Variants in RASA3 observed in about 807,000 individuals in gnomAD.
RASA3 encodes RAS p21 protein activator 3, also known as ras GTPase-activating protein 3.
A neutral mutation model predicts 110.0 loss-of-function variants in RASA3; 73 were observed. That is an observed-to-expected ratio of 0.66 (90% CI 0.55 to 0.81). The LOEUF (loss-of-function observed/expected upper bound fraction) is 0.81, where lower values mean the gene tolerates loss of function less well. Ranked by LOEUF, RASA3 falls within the 30% of genes least tolerant of loss-of-function variation. The pLI is 0.00. For synonymous variants in RASA3, 500 were observed against 451.4 expected, an observed-to-expected ratio of 1.11 and a Z score of -1.37; for missense variants, 976 against 1,113.2, an observed-to-expected ratio of 0.88 and a Z score of 1.75.
At chr13:114,046,143 A>C (rs1266553374) in intron 3 of RASA3, among the ~76,000 whole-genome samples, 1 of 152,266 alleles carries the variant, frequency 6.6e-6, no homozygotes, top group Non-Finnish European at 1.5e-5. Context: ...AAATTTGATG[A>C]TCTTACACTA....
chr13:113,979,416 G>A lies in RASA3; in HGVS notation c.2436C>T (p.His812=), dbSNP rs1381877788. 1.3e-6 allele frequency: 2 copies of A among 1,599,342 alleles called. No homozygotes were observed. Among genetic ancestry groups the A allele is most frequent in the Non-Finnish European group, 8.6e-7 (1 of 1,166,934 alleles). Residue 812 remains histidine (H), a synonymous_variant, in exon 24 of 24, where the codon CAC becomes CAT. Transcript: ENST00000334062. ...TCTGGAAGCTCTTGTCTCCGATGGGGTGCTCCCTGAAAAGGGGGATGGGAG... is the reference window on the plus strand; with the variant it reads ...TCTGGAAGCTCTTGTCTCCGATGGGATGCTCCCTGAAAAGGGGGATGGGAG... ...FKKTKYGSQE[H]PIGDKSFQNY...
At chr13:114,041,746 G>C (rs1023654728) in intron 3 of RASA3, among the ~76,000 whole-genome samples, 4 of 152,268 alleles carry the variant, frequency 2.6e-5, no homozygotes, top group Non-Finnish European at 5.9e-5. Context: ...TCACAGGCAG[G>C]ACTGAGAGCC....
At chr13:113,982,059 C>A (rs753722328) in intron 22 of RASA3, among the ~76,000 whole-genome samples, 23 of 152,216 alleles carry the variant, frequency 1.5e-4, no homozygotes, top group Non-Finnish European at 2.6e-4. Context: ...CCACACTGAG[C>A]CCAGGGAAAG....
rs375355589 is a variant in RASA3 at position 114,001,545 on chromosome 13, C to T, written c.1743-613G>A. On this transcript the variant is annotated intron_variant, in intron 18 of 23. Transcript: ENST00000334062. ...CGCTCACACACAGAGGACCTACAGCCGCGGGCTCAGGGTCAGGGCGGACAG... is the reference window on the plus strand; with the variant it reads ...CGCTCACACACAGAGGACCTACAGCTGCGGGCTCAGGGTCAGGGCGGACAG... Among the ~76,000 whole-genome samples, 239 of 150,592 alleles carry T rather than the reference C, an allele frequency of 1.6e-3. 2 individuals carry two copies. Among genetic ancestry groups the T allele is most frequent in the African/African-American group, 5.3e-3 (217 of 40,658 alleles).
At chr13:113,999,788 A>AGGGGGTCTCTGCCG (rs2053343110) in intron 19 of RASA3, 121 bp from the exon 20 acceptor site, 1 of 85,306 alleles carries the variant, frequency 1.2e-5, no homozygotes, top group Admixed American at 1.3e-4. Flanking sequence ...GGTCTCTGCC[A>AGGGGGTCTCTGCCG]GGGGGTCTCT....
Position 113,978,709 on chromosome 13 carries a change from AGACTGG to A in RASA3, c.*632_*637del, listed in dbSNP as rs2052835066. 1.3e-5 allele frequency: 2 copies of A among 152,706 alleles called. No homozygotes were observed. The highest frequency in any genetic ancestry group is 4.8e-5 in the African/African-American group (2 of 41,462). The allele number at this position is 152,706 out of a possible 1,614,324, so 9.5% of individuals were successfully genotyped here. ...TCCCCCAAGCACCAAGGACATCCTC[AGACTGG>A]GACTTCTGTGTAATTCTGCACCTCC... On this transcript the variant is annotated 3_prime_UTR_variant, in exon 24 of 24. Coordinates refer to ENST00000334062, the MANE Select transcript of RASA3 (RefSeq NM_007368.4).
At position 114,114,477 on chromosome 13, in the gene RASA3, C is replaced by CT. The variant is rs1416557984; in HGVS notation, c.55+17957dup. On this transcript the variant is annotated intron_variant, in intron 1 of 23. Coordinates refer to ENST00000334062, the MANE Select transcript of RASA3 (RefSeq NM_007368.4). The surrounding 1 kb of genome is among the most constrained non-coding windows in gnomAD (Gnocchi z 4.8). The stretch of plus-strand genomic sequence containing the variant: ...AATGCTCCTTGCACATTTCCTAGCT[C>CT]TGTCAGCCAAAGTGAGGTCTGACCA... Among the ~76,000 whole-genome samples the CT allele has an allele frequency of 6.6e-6, 1 of 152,206 alleles. No homozygotes were observed. Among genetic ancestry groups the CT allele is most frequent in the East Asian group, 1.9e-4 (1 of 5,202 alleles).
intron 8 of RASA3, among the ~76,000 whole-genome samples, chr13:114,022,554 A>C (rs1279393855): frequency 6.6e-6 from 1 of 152,102 alleles, no homozygotes; most frequent in Non-Finnish European, 1.5e-5. Context: ...GGATTTTGTT[A>C]CCCTTGCGAA....
intron 2 of RASA3, among the ~76,000 whole-genome samples, chr13:114,054,963 TGCACGTGTGTGCCCATGGGTGTG>T (rs2079214281): frequency 7.2e-6 from 1 of 138,166 alleles, no homozygotes; most frequent in Non-Finnish European, 1.6e-5. Flanking sequence ...TGTGGGTGTG[TGCACGTGTGTGCCCATGGGTGTG>T]TGCACGTGTG....
At chr13:114,094,093 C>CTG (rs1195323056) in intron 1 of RASA3, among the ~76,000 whole-genome samples, 4 of 152,132 alleles carry the variant, frequency 2.6e-5, no homozygotes, top group Non-Finnish European at 5.9e-5. Flanking sequence ...TCACATTTGC[C>CTG]TGAATGTTCT....
chr13:114,042,162 C>T (rs1457226131), intron 3 of RASA3, among the ~76,000 whole-genome samples: 7 of 152,230 alleles, frequency 4.6e-5, no homozygotes, highest in South Asian at 2.1e-4. Context: ...ATTCCCGAGG[C>T]GCGGCAAACG....
chr13:114,012,721 T>TTCCACACACACCCCCCAC (rs2053665587), intron 15 of RASA3, among the ~76,000 whole-genome samples: 1 of 86,598 alleles, frequency 1.2e-5, no homozygotes, highest in Non-Finnish European at 2.4e-5. Context: ...ACACTCCCCA[T>TTCCACACACACCCCCCAC]TCCACACACA....
intron 21 of RASA3, among the ~76,000 whole-genome samples, chr13:113,994,907 G>A (rs893458582): frequency 3.3e-5 from 5 of 152,330 alleles, no homozygotes; most frequent in South Asian, 2.1e-4. Flanking sequence ...CTAGGAGGTC[G>A]AGGCTGCAGT....
intron 1 of RASA3, among the ~76,000 whole-genome samples, chr13:114,128,269 C>G (rs1419091377): frequency 1.3e-5 from 2 of 152,246 alleles, no homozygotes; most frequent in African/African-American, 4.8e-5. Context: ...TCACAAAACA[C>G]TTCTCTTACC....
intron 2 of RASA3, among the ~76,000 whole-genome samples, chr13:114,061,248 C>T (rs1232710375): frequency 2.0e-5 from 3 of 151,986 alleles, no homozygotes; most frequent in African/African-American, 7.3e-5. Context: ...GGGCTCCCTC[C>T]GCCATGGCCG....
At chr13:114,023,491 G>T (rs1047478342) in intron 8 of RASA3, among the ~76,000 whole-genome samples, 2 of 152,226 alleles carry the variant, frequency 1.3e-5, no homozygotes, top group African/African-American at 2.4e-5. Flanking sequence ...GGAGGCATTC[G>T]TTGGTACAGA....
intron 18 of RASA3, among the ~76,000 whole-genome samples, chr13:114,003,715 A>T (rs1368279408): frequency 6.6e-6 from 1 of 152,214 alleles, no homozygotes; most frequent in Non-Finnish European, 1.5e-5. Flanking sequence ...GGCATGTCCC[A>T]GCTCACAGCC....
intron 6 of RASA3, 138 bp from the exon 7 acceptor site, chr13:114,027,599 C>T (rs1280963138): frequency 5.1e-6 from 4 of 778,534 alleles, no homozygotes; most frequent in Non-Finnish European, 8.4e-6. Context: ...TGGTCTCCAA[C>T]TCCAGATGGT....
intron 9 of RASA3, among the ~76,000 whole-genome samples, chr13:114,020,887 T>C (rs1341577979): frequency 6.6e-6 from 1 of 152,212 alleles, no homozygotes; most frequent in Non-Finnish European, 1.5e-5. Flanking sequence ...GCAGCCCTGC[T>C]GTGTGCGCAT....
Sources: allele counts gnomAD v4.1 joint callset (sites outside exome capture counted in the v4.1 genomes callset), GRCh38; gene constraint gnomAD v4.1.1; non-coding constraint Gnocchi (gnomAD v3.1); transcripts MANE v1.5; gene names NCBI Gene and HGNC (gene_info 2026-07-23, HGNC 2026-07-21).